The following VPS13B variants were observed in gnomAD, a reference collection of about 807,000 sequenced individuals.
VPS13B encodes the protein vacuolar protein sorting 13 homolog B.
In VPS13B, 285 loss-of-function variants were observed where a neutral mutation model predicts 426.4. The ratio of observed to expected loss-of-function variants is 0.67; its 90% CI spans 0.61 to 0.74. The LOEUF (loss-of-function observed/expected upper bound fraction) is 0.74, where lower values mean the gene tolerates loss of function less well. Ranked by LOEUF, VPS13B falls within the 30% of genes least tolerant of loss-of-function variation. The pLI, the probability that VPS13B is intolerant of heterozygous loss-of-function variation, is 0.00. For missense variants in VPS13B, 4,537 were observed against 4,782.6 expected (o/e 0.95, Z 1.51); for synonymous variants, 1,676 against 1,676.4 (o/e 1.00, Z 0.01).
intron 37 of VPS13B, among the ~76,000 whole-genome samples, chr8:99,719,978 T>C (rs1276741328): frequency 3.3e-5 from 5 of 152,216 alleles, no homozygotes; most frequent in African/African-American, 7.2e-5. Context: ...GTTATTATTA[T>C]GATTTTATTA....
intron 57 of VPS13B, among the ~76,000 whole-genome samples, chr8:99,860,138 G>A (rs1032703543): frequency 2.6e-5 from 4 of 152,192 alleles, no homozygotes; most frequent in Non-Finnish European, 5.9e-5. Flanking sequence ...AGGAAAACAG[G>A]GCAAAGGGCT....
intron 19 of VPS13B, among the ~76,000 whole-genome samples, chr8:99,369,484 G>A (rs533368229): frequency 1.9e-4 from 29 of 152,266 alleles, no homozygotes; most frequent in Admixed American, 1.8e-3. Context: ...GCACGAGTCT[G>A]GGTTCTGTCA....
At chr8:99,518,345 T>C (rs1013488675) in intron 29 of VPS13B, among the ~76,000 whole-genome samples, 2 of 152,210 alleles carry the variant, frequency 1.3e-5, no homozygotes, top group Non-Finnish European at 2.9e-5. Context: ...TTTGATAAGG[T>C]TGGCATAAAA....
At chr8:99,077,095 C>G (rs898734847) in intron 3 of VPS13B, among the ~76,000 whole-genome samples, 1 of 152,038 alleles carries the variant, frequency 6.6e-6, no homozygotes, top group Non-Finnish European at 1.5e-5. Flanking sequence ...TGTAGGACTC[C>G]CCTAAGCTTT....
intron 17 of VPS13B, among the ~76,000 whole-genome samples, chr8:99,263,999 A>C (rs937436669): frequency 1.3e-5 from 2 of 152,210 alleles, no homozygotes; most frequent in Non-Finnish European, 2.9e-5. Context: ...TATGAGTTAG[A>C]ATATGCTACC....
intron 34 of VPS13B, among the ~76,000 whole-genome samples, chr8:99,649,155 C>G (rs913146532): frequency 6.6e-6 from 1 of 151,984 alleles, no homozygotes; most frequent in Non-Finnish European, 1.5e-5. Flanking sequence ...ACCTGCTTAT[C>G]TTTAGTTTTC....
At position 99,642,318 on chromosome 8, in the gene VPS13B, A is replaced by G. The variant is rs759925536; in HGVS notation, c.5728A>G (p.Ile1910Val). 1.1e-5 allele frequency: 18 copies of G among 1,614,064 alleles called. No individual in the cohort carries two copies. The highest frequency in any genetic ancestry group is 1.4e-5 in the Non-Finnish European group (16 of 1,180,018). ...GTCATCTGCTAGACAAGCACTTGGTATAACTATTGTTCGGCAGCCTGGTCG... is the reference window on the plus strand; with the variant it reads ...GTCATCTGCTAGACAAGCACTTGGTGTAACTATTGTTCGGCAGCCTGGTCG... ...TRSSARQALG[I>V]TIVRQPGRRG... Residue 1910 changes from isoleucine (I) to valine (V), a missense_variant, in exon 34 of 62, where the codon ATA becomes GTA. By Grantham distance (29) the Ile-to-Val change is conservative (BLOSUM62 3). This residue lies in a region of VPS13B where 4,311 missense variants were observed against 4,474.3 expected (regional missense o/e 0.96). Transcript: ENST00000357162.
chr8:99,433,231 T>C (rs756299297), intron 22 of VPS13B, among the ~76,000 whole-genome samples: 4 of 152,184 alleles, frequency 2.6e-5, no homozygotes, highest in Non-Finnish European at 5.9e-5. Flanking sequence ...TGGGATTATC[T>C]TCACCCACCA....
intron 8 of VPS13B, among the ~76,000 whole-genome samples, chr8:99,130,186 G>A (rs1254623105): frequency 6.6e-6 from 1 of 152,118 alleles, no homozygotes; most frequent in Non-Finnish European, 1.5e-5. Flanking sequence ...ATATTAAGGA[G>A]GAAAGCATTA....
At chr8:99,110,873 T>C (rs1847323988) in intron 5 of VPS13B, among the ~76,000 whole-genome samples, 1 of 151,974 alleles carries the variant, frequency 6.6e-6, no homozygotes, top group Non-Finnish European at 1.5e-5. Flanking sequence ...ATTCTTCATA[T>C]ATAAAATGGG....
In VPS13B at chr8:99,192,977, A is replaced by G; in HGVS notation, c.2435A>G (p.Tyr812Cys). Residue 812 changes from tyrosine (Y) to cysteine (C), a missense_variant, in exon 17 of 62, where the codon TAT (tyrosine) becomes TGT (cysteine). Around this residue, in one of 2 missense-constraint regions of VPS13B, gnomAD observed 4,311 missense variants for 4,474.3 expected, o/e 0.96. Coordinates refer to ENST00000357162, the MANE Select transcript of VPS13B (RefSeq NM_152564.5). ...RAQTLLLQAI[Y>C]QSWSHLGNVS... ...CAGACACTTCTCTTGCAAGCAATAT[A>G]TCAAAGTTGGTCTCATCTTGGAAAT... The G allele has an allele frequency of 5.0e-6, 8 of 1,613,752 alleles. No individual in the cohort carries two copies. The highest frequency in any genetic ancestry group is 6.8e-6 in the Non-Finnish European group (8 of 1,179,826).
intron 55 of VPS13B, 70 bp from the exon 56 acceptor site, chr8:99,853,381 A>G: frequency 1.9e-6 from 3 of 1,541,298 alleles, no homozygotes; most frequent in Non-Finnish European, 2.7e-6. Flanking sequence ...GGTACTGTCA[A>G]TAAAAAAGAA....
At chr8:99,573,056 A>G (rs1214935993) in intron 31 of VPS13B, among the ~76,000 whole-genome samples, 4 of 152,212 alleles carry the variant, frequency 2.6e-5, no homozygotes, top group Admixed American at 6.5e-5. Flanking sequence ...ATGACCAGTG[A>G]TGATGAGCAT....
At chr8:99,367,297 C>T (rs950816468) in intron 19 of VPS13B, among the ~76,000 whole-genome samples, 2 of 152,086 alleles carry the variant, frequency 1.3e-5, no homozygotes, top group East Asian at 3.9e-4. Flanking sequence ...AGGTTTTTCC[C>T]TTCAGAACTT....
In VPS13B at chr8:99,355,733, G is replaced by T. The variant is rs1020557936; in HGVS notation, c.2825-28475G>T. On this transcript the variant is annotated intron_variant, in intron 19 of 61. Transcript: ENST00000357162. ...TTTTGTTTTGCTTGGTTGTCTTACT[G>T]TTTTGTACTTGACTGGTCGTATGTC... Among the ~76,000 whole-genome samples, 48 of 152,064 alleles carry T rather than the reference G, an allele frequency of 3.2e-4. 1 individual carries two copies. Among genetic ancestry groups the T allele is most frequent in the Admixed American group, 1.3e-4 (2 of 15,264 alleles).
At chr8:99,156,492 T>A in intron 14 of VPS13B, 57 bp from the exon 15 acceptor site, 1 of 1,568,808 alleles carries the variant, frequency 6.4e-7, no homozygotes, top group Non-Finnish European at 8.8e-7. Context: ...TAGAGGGAAC[T>A]GCAACTCAGT....
At chr8:99,720,318 T>C (rs746064692) in intron 37 of VPS13B, 27 bp from the exon 38 acceptor site, 5 of 1,582,270 alleles carry the variant, frequency 3.2e-6, no homozygotes, top group Non-Finnish European at 3.5e-6. Context: ...ATTTAAAAGC[T>C]ACTAGAATTT....
intron 33 of VPS13B, among the ~76,000 whole-genome samples, chr8:99,595,094 C>T (rs1588531745): frequency 6.6e-6 from 1 of 151,896 alleles, no homozygotes; most frequent in African/African-American, 2.4e-5. Context: ...GTTAGTGACC[C>T]ATATATGACC....
intron 21 of VPS13B, among the ~76,000 whole-genome samples, chr8:99,392,009 C>T (rs899487141): frequency 4.2e-4 from 64 of 152,298 alleles, no homozygotes; most frequent in African/African-American, 1.4e-3. Flanking sequence ...GCTGTGTCTC[C>T]TTTGCAAGGG....
Sources: gnomAD v4.1 joint callset for allele counts (sites outside exome capture counted in the v4.1 genomes callset) on GRCh38, gnomAD v4.1.1 for gene constraint, gnomAD v4.1.1 regional missense constraint, MANE v1.5 for transcripts, NCBI Gene and HGNC (gene_info 2026-07-23, HGNC 2026-07-21) for gene names.